Variants in DGKI observed in about 807,000 individuals in gnomAD.
DGKI encodes the protein DAG kinase iota.
Under a neutral mutation model 147.5 loss-of-function variants are expected in DGKI, and 55 were observed. The observed-to-expected ratio is 0.37, with a 90% CI of 0.30 to 0.47. The LOEUF (loss-of-function observed/expected upper bound fraction) is 0.47, where lower values mean the gene tolerates loss of function less well. Ranked by LOEUF, DGKI falls within the 20% of genes least tolerant of loss-of-function variation. DGKI has a pLI of 1.00. For missense variants in DGKI, 1,007 were observed against 1,323.8 expected, an observed-to-expected ratio of 0.76 and a Z score of 3.71; for synonymous variants, 469 against 477.1, an observed-to-expected ratio of 0.98 and a Z score of 0.22.
At chr7:137,622,649 C>T (rs1407504166) in intron 7 of DGKI, among the ~76,000 whole-genome samples, 4 of 152,156 alleles carry the variant, frequency 2.6e-5, no homozygotes, top group Admixed American at 6.5e-5. Context: ...GGCATGGCTG[C>T]ATTCCAGTGA....
intron 20 of DGKI, among the ~76,000 whole-genome samples, chr7:137,526,324 C>T (rs762764817): frequency 5.3e-5 from 8 of 150,696 alleles, no homozygotes; most frequent in Non-Finnish European, 3.0e-5. Flanking sequence ...TGGAACATCT[C>T]AAACTCCCTA....
chr7:137,514,163 A>T (rs991345585), intron 21 of DGKI, among the ~76,000 whole-genome samples: 1 of 152,050 alleles, frequency 6.6e-6, no homozygotes, highest in Non-Finnish European at 1.5e-5. Flanking sequence ...ATTCTGGACT[A>T]TTTCTGTGTT....
intron 14 of DGKI, among the ~76,000 whole-genome samples, chr7:137,582,861 C>G (rs1451617999): frequency 6.6e-6 from 1 of 152,096 alleles, no homozygotes; most frequent in African/African-American, 2.4e-5. Context: ...TTCTGCGACT[C>G]AAGTGGAAGG....
intron 6 of DGKI, among the ~76,000 whole-genome samples, chr7:137,634,407 A>C (rs983353279): frequency 1.3e-5 from 2 of 152,220 alleles, no homozygotes; most frequent in Non-Finnish European, 2.9e-5. Context: ...ATTCTGAAAC[A>C]AGGTTGTGCT....
At chr7:137,453,035 CA>C (rs1814038814) in intron 27 of DGKI, 3 of 152,210 alleles carry the variant, frequency 2.0e-5, no homozygotes, top group Admixed American at 1.3e-4. Flanking sequence ...GCATTCTCTC[CA>C]GGCACATTTC....
At chr7:137,791,451 T>G (rs1796852778) in intron 1 of DGKI, among the ~76,000 whole-genome samples, 1 of 152,172 alleles carries the variant, frequency 6.6e-6, no homozygotes, top group Admixed American at 6.5e-5. Flanking sequence ...AAGGCTTGTT[T>G]CATTACAAAA....
chr7:137,832,784 C>T (rs1044043611), intron 1 of DGKI, among the ~76,000 whole-genome samples: 4 of 152,212 alleles, frequency 2.6e-5, no homozygotes, highest in Non-Finnish European at 5.9e-5. Context: ...ATTTTCTGAA[C>T]TTTTATGCTC....
intron 27 of DGKI, among the ~76,000 whole-genome samples, chr7:137,456,071 G>A (rs193222072): frequency 1.9e-4 from 29 of 152,190 alleles, no homozygotes; most frequent in Admixed American, 1.1e-3. Context: ...TGAATGCCTG[G>A]GAAACAATTC....
intron 3 of DGKI, among the ~76,000 whole-genome samples, chr7:137,676,159 G>A (rs1823030252): frequency 6.6e-6 from 1 of 152,186 alleles, no homozygotes; most frequent in Non-Finnish European, 1.5e-5. Context: ...TTTTGTGAAG[G>A]ACAGTGTATC....
chr7:137,531,852 AG>A (rs1429247903), intron 20 of DGKI, among the ~76,000 whole-genome samples: 4 of 152,224 alleles, frequency 2.6e-5, no homozygotes, highest in Admixed American at 2.0e-4. Context: ...CCAACCATGA[AG>A]AACACTGAAA....
At chr7:137,399,002 ATTT>A in intron 30 of DGKI, among the ~76,000 whole-genome samples, 1 of 145,530 alleles carries the variant, frequency 6.9e-6, no homozygotes, top group South Asian at 2.2e-4. Context: ...CCAGGGTTCC[ATTT>A]TTTTTTTTTT....
intron 3 of DGKI, among the ~76,000 whole-genome samples, chr7:137,664,791 G>A (rs933575002): frequency 6.6e-6 from 1 of 152,076 alleles, no homozygotes; most frequent in African/African-American, 2.4e-5. Context: ...GTGAGAGACA[G>A]ACAACAAACA....
chr7:137,803,541 T>C (rs1056458338), intron 1 of DGKI, among the ~76,000 whole-genome samples: 7 of 152,212 alleles, frequency 4.6e-5, no homozygotes, highest in Non-Finnish European at 7.3e-5. Flanking sequence ...CTATTTTTCT[T>C]TATGATGTCT....
chr7:137,586,306 T>C lies in DGKI; in HGVS notation c.1425+791A>G, dbSNP rs113969536. 3.9e-5 allele frequency among the ~76,000 whole-genome samples: 6 copies of C among 152,146 alleles called. 1 individual carries two copies. The highest frequency in any genetic ancestry group is 1.4e-4 in the African/African-American group (6 of 41,500). ...AGCTGCACAGGGTGGCGGGCACCTG[T>C]AATCCCAGCTACTCAGAAGGTTGAG... On this transcript the variant is annotated intron_variant, in intron 13 of 32. Transcript: ENST00000614521.
chr7:137,667,919 C>T (rs1387903919), intron 3 of DGKI, among the ~76,000 whole-genome samples: 1 of 152,158 alleles, frequency 6.6e-6, no homozygotes, highest in Non-Finnish European at 1.5e-5. Flanking sequence ...AGGAGGCTAG[C>T]TGTGTAATAT....
At position 137,814,203 on chromosome 7, in the gene DGKI, C is replaced by A. The variant is rs1797671232; in HGVS notation, c.401+32259G>T. ...AGTAGGATGACCCCACACACAGGAG[C>A]CTTCACGAAGCCTTTTCTCTAACAG... On this transcript the variant is annotated intron_variant, in intron 1 of 32. Coordinates refer to ENST00000614521, the MANE Select transcript of DGKI (RefSeq NM_001321708.2). Among the ~76,000 whole-genome samples the A allele has an allele frequency of 4.6e-5, 7 of 152,206 alleles. No individual in the cohort carries two copies. In the South Asian group the frequency reaches 1.5e-3, roughly 32 times the overall value.
At chr7:137,504,744 T>C (rs1163957696) in intron 21 of DGKI, among the ~76,000 whole-genome samples, 1 of 152,068 alleles carries the variant, frequency 6.6e-6, no homozygotes, top group African/African-American at 2.4e-5. Context: ...ACCAATAGCC[T>C]TTTAAAAAAA....
At chr7:137,772,529 TG>T (rs1037549614) in intron 1 of DGKI, among the ~76,000 whole-genome samples, 3 of 152,154 alleles carry the variant, frequency 2.0e-5, no homozygotes, top group African/African-American at 7.2e-5. Flanking sequence ...GCTTGCAGAA[TG>T]GTTTATAATG....
At chr7:137,740,336 T>A (rs1411375527) in intron 1 of DGKI, among the ~76,000 whole-genome samples, 1 of 152,186 alleles carries the variant, frequency 6.6e-6, no homozygotes, top group Non-Finnish European at 1.5e-5. Context: ...CTGCCTGACA[T>A]GAGTTCAGAT....
Sources: allele counts gnomAD v4.1 joint callset (sites outside exome capture counted in the v4.1 genomes callset), GRCh38; gene constraint gnomAD v4.1.1; transcripts MANE v1.5; gene names NCBI Gene and HGNC (gene_info 2026-07-23, HGNC 2026-07-21).